Variants in DGKH observed in about 807,000 individuals in gnomAD.
DGKH encodes the protein diacylglycerol kinase eta.
A neutral mutation model predicts 159.3 loss-of-function variants in DGKH; 90 were observed. That is an observed-to-expected ratio of 0.57 (90% CI 0.48 to 0.67). DGKH has a LOEUF of 0.67. Ranked by LOEUF, DGKH falls within the 30% of genes least tolerant of loss-of-function variation. The pLI is 0.00. For synonymous variants in DGKH, 536 were observed against 553.8 expected (o/e 0.97, Z 0.45); for missense variants, 1,181 against 1,506.1 (o/e 0.78, Z 3.57).
At chr13:42,243,659 A>G (rs780507892), downstream of DGKH, among the ~76,000 whole-genome samples, 63 of 152,302 alleles carry the variant, frequency 4.1e-4, no homozygotes, top group Admixed American at 2.0e-4. Context: ...TGGATAGGGG[A>G]CATTAAGTCG....
chr13:42,041,860 A>T (rs1019365110), intron 1 of DGKH, among the ~76,000 whole-genome samples: 1 of 152,178 alleles, frequency 6.6e-6, no homozygotes, highest in Non-Finnish European at 1.5e-5. Context: ...TGTTCCGGTC[A>T]ACGTGTTCGG....
At chr13:42,095,282 C>T (rs1326545246) in intron 1 of DGKH, among the ~76,000 whole-genome samples, 2 of 150,496 alleles carry the variant, frequency 1.3e-5, no homozygotes, top group Non-Finnish European at 3.0e-5. Context: ...CCTGCCTCAG[C>T]CTCCTGAGTA....
chr13:42,209,696 G>A (rs347411), intron 23 of DGKH, among the ~76,000 whole-genome samples: 13,675 of 152,034 alleles, frequency 0.09, 1,705 homozygotes, highest in African/African-American at 0.28. Context: ...TTCGAATTAC[G>A]TTCCTATATA....
At chr13:42,195,197 A>G (rs1957175752) in intron 17 of DGKH, among the ~76,000 whole-genome samples, 181 bp downstream of exon 17, 1 of 152,206 alleles carries the variant, frequency 6.6e-6, no homozygotes, top group African/African-American at 2.4e-5. Context: ...AGTTGCCTAG[A>G]AAGTATTAAA....
intron 9 of DGKH, among the ~76,000 whole-genome samples, chr13:42,168,057 A>G (rs569834003): frequency 7.9e-5 from 12 of 152,288 alleles, no homozygotes; most frequent in Non-Finnish European, 1.6e-4. Context: ...ACTCATTAGC[A>G]TCAGCACCCT....
rs149376467 is a variant in DGKH at position 42,059,352 on chromosome 13, C to T, written c.192+10387C>T. Among the ~76,000 whole-genome samples, 705 of 151,882 alleles carry T rather than the reference C, an allele frequency of 4.6e-3. 9 individuals are homozygous for T. Among genetic ancestry groups the T allele is most frequent in the East Asian group, 0.031 (161 of 5,154 alleles). On this transcript the variant is annotated intron_variant, in intron 1 of 29. Transcript: ENST00000337343. ...GCAGCCTCTGCCTCTGGGGTTTAAGCGATTCTCCTGCCTCAGCCTCCCAAG... is the reference window on the plus strand; with the variant it reads ...GCAGCCTCTGCCTCTGGGGTTTAAGTGATTCTCCTGCCTCAGCCTCCCAAG...
At position 42,229,227 on chromosome 13, in the gene DGKH, A is replaced by G; in HGVS notation, c.*39A>G. 1 of 1,570,820 alleles carries G rather than the reference A, an allele frequency of 6.4e-7. No individual in the cohort carries two copies. The highest frequency in any genetic ancestry group is 8.7e-7 in the Non-Finnish European group (1 of 1,152,214). ...ATTTCTTGGAAGAGAAGTTATTGCC[A>G]CTTAATACAAAGTCCTTGGAAGCAA... On this transcript the variant is annotated 3_prime_UTR_variant, in exon 30 of 30. Coordinates refer to ENST00000337343, the MANE Select transcript of DGKH (RefSeq NM_178009.5).
chr13:42,110,272 C>T (rs1037507711), intron 1 of DGKH, among the ~76,000 whole-genome samples: 4 of 152,134 alleles, frequency 2.6e-5, no homozygotes, highest in African/African-American at 9.7e-5. Context: ...TACCACTGAC[C>T]CCCAGCTCCT....
At chr13:42,154,202 C>T (rs1220778472) in intron 3 of DGKH, among the ~76,000 whole-genome samples, 1 of 152,170 alleles carries the variant, frequency 6.6e-6, no homozygotes. Context: ...TTAGACTTAT[C>T]ACTTGATCAA....
intron 13 of DGKH, among the ~76,000 whole-genome samples, chr13:42,180,598 T>C (rs549383199): frequency 6.6e-6 from 1 of 152,326 alleles, no homozygotes; most frequent in Non-Finnish European, 1.5e-5. Context: ...TTGGCCTGAC[T>C]CTTTGTCTAA....
intron 3 of DGKH, among the ~76,000 whole-genome samples, chr13:42,143,520 G>C (rs368615756): frequency 2.6e-5 from 4 of 152,068 alleles, no homozygotes; most frequent in Non-Finnish European, 5.9e-5. Context: ...CTGTGAATCC[G>C]TCTGGTCCTG....
intron 3 of DGKH, among the ~76,000 whole-genome samples, chr13:42,130,856 A>C (rs1290061632): frequency 1.3e-5 from 2 of 152,084 alleles, no homozygotes; most frequent in Non-Finnish European, 2.9e-5. Context: ...AGGAAAGCCA[A>C]GAATAGAGTC....
chr13:42,240,487 G>T lies in DGKH; in HGVS notation c.*11299G>T, dbSNP rs1252169667. The T allele has an allele frequency of 6.6e-6, 1 of 152,074 alleles. No individual in the cohort carries two copies. The highest frequency in any genetic ancestry group is 2.4e-5 in the African/African-American group (1 of 41,390). The allele number at this position is 152,074 out of a possible 1,614,324, so 9.4% of individuals were successfully genotyped here. On this transcript the variant is annotated 3_prime_UTR_variant, in exon 30 of 30. Coordinates refer to ENST00000337343, the MANE Select transcript of DGKH (RefSeq NM_178009.5). ...TCTTTCTCTTTTATAGACATTTAGT[G>T]TATACAGTCCACATAAATACATATA... is the stretch of plus-strand genomic sequence containing the variant.
upstream of DGKH, among the ~76,000 whole-genome samples, chr13:42,047,485 T>C (rs941540429): frequency 6.6e-6 from 1 of 152,264 alleles, no homozygotes; most frequent in East Asian, 1.9e-4. Context: ...CTTTTTGTCC[T>C]ATTTAAAAAT....
chr13:42,133,538 A>T (rs1415332845), intron 3 of DGKH, among the ~76,000 whole-genome samples: 1 of 151,940 alleles, frequency 6.6e-6, no homozygotes, highest in East Asian at 1.9e-4. Flanking sequence ...TACAAAAAAA[A>T]TCCAAAAATT....
chr13:42,221,249 TCTTAA>T lies in DGKH; in HGVS notation c.3443-11_3443-7del, dbSNP rs1320512713. 2 of 1,612,842 alleles carry T rather than the reference TCTTAA, an allele frequency of 1.2e-6. No homozygotes were observed. Among genetic ancestry groups the T allele is most frequent in the South Asian group, 1.1e-5 (1 of 90,860 alleles). On this transcript the variant is annotated splice_polypyrimidine_tract_variant and intron_variant, in intron 28 of 29. Coordinates refer to ENST00000337343, the MANE Select transcript of DGKH (RefSeq NM_178009.5). ...CATGTAGAAATTAAGGGGGTTTTGCTCTTAACTTTGGTAGTTCAGAAATGGGGCAC... is the reference window on the plus strand; with the variant it reads ...CATGTAGAAATTAAGGGGGTTTTGCTCTTTGGTAGTTCAGAAATGGGGCAC...
At chr13:42,063,360 G>A (rs1882321486) in intron 1 of DGKH, among the ~76,000 whole-genome samples, 1 of 151,986 alleles carries the variant, frequency 6.6e-6, no homozygotes, top group Admixed American at 6.5e-5. Context: ...TGAGTAGCAG[G>A]AAAAAAAGTC....
At chr13:42,082,955 G>C (rs1954227591) in intron 1 of DGKH, among the ~76,000 whole-genome samples, 1 of 152,156 alleles carries the variant, frequency 6.6e-6, no homozygotes, top group Non-Finnish European at 1.5e-5. Flanking sequence ...AGTTCTTCGG[G>C]ATAATGGAAA....
chr13:42,239,250 T>C lies in DGKH; in HGVS notation c.*10062T>C, dbSNP rs1958473963. The C allele has an allele frequency of 6.6e-6, 1 of 152,306 alleles. No homozygotes were observed. Among genetic ancestry groups the C allele is most frequent in the Non-Finnish European group, 1.5e-5 (1 of 68,000 alleles). 9.4% of individuals were successfully genotyped at this position (152,306 alleles called of 1,614,324 possible). On this transcript the variant is annotated 3_prime_UTR_variant, in exon 30 of 30. Coordinates refer to ENST00000337343, the MANE Select transcript of DGKH (RefSeq NM_178009.5). ...CATTTTAAAAAAATATACATAATTA[T>C]GAGGATGAGAGAATTGCAAACTTGA...
Sources: allele counts gnomAD v4.1 joint callset (sites outside exome capture counted in the v4.1 genomes callset), GRCh38; gene constraint gnomAD v4.1.1; transcripts MANE v1.5; gene names NCBI Gene and HGNC (gene_info 2026-07-23, HGNC 2026-07-21).